GALNT17: variants seen among roughly 807,000 people sequenced by gnomAD.
GALNT17 encodes UDP-GalNAc:polypeptide N-acetylgalactosaminyltransferase-like 3.
Under a neutral mutation model 63.7 loss-of-function variants are expected in GALNT17, and 29 were observed. That is an observed-to-expected ratio of 0.46 (90% CI 0.34 to 0.62). The LOEUF is 0.62. GALNT17 is among the 20% of genes least tolerant of loss of function. The pLI is 0.01. For missense variants in GALNT17, 603 were observed against 799.6 expected, an observed-to-expected ratio of 0.75 and a Z score of 2.97; for synonymous variants, 305 against 318.3, an observed-to-expected ratio of 0.96 and a Z score of 0.45.
chr7:71,541,051 C>T (rs1286123706), intron 5 of GALNT17, among the ~76,000 whole-genome samples: 2 of 151,688 alleles, frequency 1.3e-5, no homozygotes, highest in Non-Finnish European at 2.9e-5. Flanking sequence ...CCAGCCTGGC[C>T]AATATGGTGA....
chr7:71,381,719 C>T (rs1234671125), intron 2 of GALNT17, among the ~76,000 whole-genome samples: 1 of 152,088 alleles, frequency 6.6e-6, no homozygotes, highest in African/African-American at 2.4e-5. Context: ...GTGGAGGTTG[C>T]AGTGAGCTGA....
chr7:71,600,629 G>A (rs1789953314), intron 6 of GALNT17, among the ~76,000 whole-genome samples: 1 of 152,168 alleles, frequency 6.6e-6, no homozygotes, highest in Non-Finnish European at 1.5e-5. Context: ...CAAGTCCAGA[G>A]CCAGTGCCCT....
intron 1 of GALNT17, among the ~76,000 whole-genome samples, chr7:71,328,629 G>A (rs1380917519): frequency 6.7e-6 from 1 of 149,814 alleles, no homozygotes; most frequent in East Asian, 2.0e-4. Context: ...TGCAAAATAA[G>A]CACGTTAAAA....
rs1000181593 is a variant in GALNT17 at position 71,672,411 on chromosome 7, G to T, written c.1404+2302G>T. ...ATGAAATCCACGCAAGAAATGCAAA[G>T]GAAATGTGTCATGGATCCAAGCTCA... is the stretch of plus-strand genomic sequence containing the variant. On this transcript the variant is annotated intron_variant, in intron 8 of 10. Coordinates refer to ENST00000333538, the MANE Select transcript of GALNT17 (RefSeq NM_022479.3). Among the ~76,000 whole-genome samples the T allele has an allele frequency of 2.0e-5, 3 of 152,086 alleles. No homozygotes were observed. The South Asian group carries it at 6.2e-4, about 32-fold the overall frequency.
chr7:71,271,317 G>T (rs1339837235), intron 1 of GALNT17, among the ~76,000 whole-genome samples: 1 of 152,194 alleles, frequency 6.6e-6, no homozygotes, highest in Admixed American at 6.5e-5. Flanking sequence ...GGTGCACGGG[G>T]CACAGTCTAG....
At chr7:71,558,483 A>G (rs1219557379) in intron 5 of GALNT17, among the ~76,000 whole-genome samples, 2 of 152,178 alleles carry the variant, frequency 1.3e-5, no homozygotes, top group African/African-American at 2.4e-5. Flanking sequence ...CTGGCCAGAC[A>G]AAAACAGGCA....
chr7:71,648,124 T>C (rs1790706632), intron 6 of GALNT17, among the ~76,000 whole-genome samples: 1 of 152,214 alleles, frequency 6.6e-6, no homozygotes, highest in South Asian at 2.1e-4. Context: ...AACAGTTCAC[T>C]TCACAGCTAC....
chr7:71,304,981 T>G (rs2115901661), intron 1 of GALNT17, among the ~76,000 whole-genome samples: 1 of 152,308 alleles, frequency 6.6e-6, no homozygotes. Flanking sequence ...TTCACCTGCC[T>G]TGGCCTCCCA....
chr7:71,686,636 C>T (rs1360784347), intron 9 of GALNT17, among the ~76,000 whole-genome samples: 9 of 151,856 alleles, frequency 5.9e-5, no homozygotes, highest in African/African-American at 2.2e-4. Flanking sequence ...GTGATCCGCC[C>T]ACCGCTGCCT....
At chr7:71,447,143 C>T (rs960413702) in intron 5 of GALNT17, among the ~76,000 whole-genome samples, 2 of 152,142 alleles carry the variant, frequency 1.3e-5, no homozygotes, top group Admixed American at 6.5e-5. Flanking sequence ...AGTAAGCATT[C>T]GAATCCACAG....
chr7:71,354,748 G>A (rs1792251822), intron 2 of GALNT17, among the ~76,000 whole-genome samples: 1 of 152,178 alleles, frequency 6.6e-6, no homozygotes, highest in South Asian at 2.1e-4. Context: ...CAATCCTCTG[G>A]AACAATTTAT....
At position 71,442,357 on chromosome 7, in the gene GALNT17, C is replaced by T. The variant is rs528368189; in HGVS notation, c.962+21252C>T. ...GACTACGGGCGCCCGCCACCATGCC[C>T]GGCTAATTTTTTTGTATTTTTTTAG... On this transcript the variant is annotated intron_variant, in intron 5 of 10. Coordinates refer to ENST00000333538, the MANE Select transcript of GALNT17 (RefSeq NM_022479.3). Among the ~76,000 whole-genome samples, 62 of 152,136 alleles carry T rather than the reference C, an allele frequency of 4.1e-4. 1 individual carries two copies. The highest frequency in any genetic ancestry group is 2.9e-3 in the Admixed American group (44 of 15,276).
chr7:71,274,519 G>T (rs1790649528), intron 1 of GALNT17, among the ~76,000 whole-genome samples: 2 of 152,150 alleles, frequency 1.3e-5, no homozygotes, highest in Admixed American at 1.3e-4. Context: ...GCCTCAAGCA[G>T]TCCTTCTTCC....
chr7:71,233,564 A>G (rs1046231167), intron 1 of GALNT17, among the ~76,000 whole-genome samples: 1 of 152,174 alleles, frequency 6.6e-6, no homozygotes, highest in African/African-American at 2.4e-5. Context: ...GCCATATGGG[A>G]AGCCAGGATG....
chr7:71,559,950 C>A (rs1298294901), intron 5 of GALNT17, among the ~76,000 whole-genome samples: 1 of 151,294 alleles, frequency 6.6e-6, no homozygotes, highest in African/African-American at 2.4e-5. Context: ...AATCCCAGCA[C>A]TTTGAGAGGC....
At chr7:71,520,720 G>A (rs1788516452) in intron 5 of GALNT17, among the ~76,000 whole-genome samples, 1 of 152,112 alleles carries the variant, frequency 6.6e-6, no homozygotes, top group South Asian at 2.1e-4. Context: ...TTCTCCATCA[G>A]TGTGGTCGTT....
chr7:71,566,807 C>G (rs1789355881), intron 5 of GALNT17, among the ~76,000 whole-genome samples: 1 of 152,110 alleles, frequency 6.6e-6, no homozygotes, highest in Non-Finnish European at 1.5e-5. Flanking sequence ...ACAAAGGACC[C>G]TCCTGTAACT....
rs768805173 is a variant in GALNT17 at position 71,435,255 on chromosome 7, A to C, written c.962+14150A>C. ...TGAGACGGTGAAAAAGATCTAACCT[A>C]AGTGACTCCATCTTCCTTCTAACCT... On this transcript the variant is annotated intron_variant, in intron 5 of 10. Transcript: ENST00000333538. 3.3e-5 allele frequency among the ~76,000 whole-genome samples: 5 copies of C among 152,284 alleles called. No homozygotes were observed. In the Middle Eastern group the frequency reaches 0.017, roughly 522 times the overall value.
At chr7:71,155,183 C>T (rs1219975645) in intron 1 of GALNT17, among the ~76,000 whole-genome samples, 1 of 151,858 alleles carries the variant, frequency 6.6e-6, no homozygotes, top group African/African-American at 2.4e-5. Flanking sequence ...GCTCATCATA[C>T]CCAGTCTCTG....
Sources: gnomAD v4.1 joint callset for allele counts (sites outside exome capture counted in the v4.1 genomes callset) on GRCh38, gnomAD v4.1.1 for gene constraint, MANE v1.5 for transcripts, NCBI Gene and HGNC (gene_info 2026-07-23, HGNC 2026-07-21) for gene names.